Variants in LMBR1 observed in about 807,000 individuals in gnomAD.
LMBR1 encodes limb development membrane protein 1, also known as limb region 1 protein homolog.
LMBR1 carries 52 observed loss-of-function variants against 73.9 expected under a neutral mutation model. The observed-to-expected ratio is 0.70, with a 90% CI of 0.56 to 0.89. The LOEUF is 0.89. LMBR1 is among the 40% of genes least tolerant of loss of function. The pLI is 0.00. For missense variants in LMBR1, 539 were observed against 579.8 expected (o/e 0.93, Z 0.72); for synonymous variants, 215 against 209.4 (o/e 1.03, Z -0.23).
downstream of LMBR1, among the ~76,000 whole-genome samples, chr7:156,677,412 C>T (rs943568685): frequency 2.0e-5 from 3 of 152,154 alleles, no homozygotes; most frequent in Non-Finnish European, 4.4e-5. Flanking sequence ...CCATGTGTGA[C>T]CCTGGCTCCT....
intron 4 of LMBR1, among the ~76,000 whole-genome samples, chr7:156,826,262 G>A (rs1337354325): frequency 1.3e-5 from 2 of 152,322 alleles, no homozygotes; most frequent in Admixed American, 6.5e-5. Flanking sequence ...TTACAAGCAT[G>A]AGCCACCACG....
intron 5 of LMBR1, among the ~76,000 whole-genome samples, chr7:156,770,230 G>A (rs569217874): frequency 7.9e-5 from 12 of 151,828 alleles, no homozygotes; most frequent in Admixed American, 2.0e-4. Flanking sequence ...TGTTTCCCAG[G>A]CTGGTCTCTA....
intron 1 of LMBR1, among the ~76,000 whole-genome samples, chr7:156,846,997 G>A (rs1042931471): frequency 1.3e-5 from 2 of 151,980 alleles, no homozygotes; most frequent in Non-Finnish European, 2.9e-5. Flanking sequence ...TTAAAAAGAA[G>A]AAAGAGGACT....
chr7:156,729,687 A>G (rs1365683612), intron 10 of LMBR1, among the ~76,000 whole-genome samples: 1 of 151,962 alleles, frequency 6.6e-6, no homozygotes, highest in East Asian at 1.9e-4. Context: ...GTTAGCCAGG[A>G]TGGTCCCGAT....
intron 1 of LMBR1, among the ~76,000 whole-genome samples, chr7:156,846,939 A>G (rs1167254047): frequency 6.6e-6 from 1 of 152,196 alleles, no homozygotes; most frequent in African/African-American, 2.4e-5. Flanking sequence ...CTGAAACATC[A>G]CACTATACCC....
intron 5 of LMBR1, among the ~76,000 whole-genome samples, chr7:156,784,025 T>A (rs1272364587): frequency 3.3e-5 from 5 of 150,646 alleles, no homozygotes; most frequent in African/African-American, 1.2e-4. Context: ...AGCATCACAC[T>A]ATAATACTAG....
intron 15 of LMBR1, among the ~76,000 whole-genome samples, chr7:156,719,123 T>TCCCCCC (rs373665026): frequency 7.4e-6 from 1 of 135,564 alleles, no homozygotes; most frequent in Non-Finnish European, 1.6e-5. Flanking sequence ...CCTAATGCTA[T>TCCCCCC]CCCCCCCCTC....
In LMBR1 at chr7:156,680,468, G is replaced by A. The variant is rs1412491260; in HGVS notation, c.*3610C>T. 1.3e-5 allele frequency: 2 copies of A among 152,012 alleles called. No homozygotes were observed. Among genetic ancestry groups the A allele is most frequent in the East Asian group, 1.9e-4 (1 of 5,194 alleles). The allele number at this position is 152,012 out of a possible 1,614,324, so 9.4% of individuals were successfully genotyped here. On this transcript the variant is annotated 3_prime_UTR_variant, in exon 17 of 17. Transcript: ENST00000353442. ...TGTGGTCAAAAAGTTGAAAGCCACT[G>A]TAAGTAGGCTTCTGTCTGCCAGTAA...
At chr7:156,714,130 G>T (rs993556775) in intron 15 of LMBR1, among the ~76,000 whole-genome samples, 7 of 152,196 alleles carry the variant, frequency 4.6e-5, no homozygotes, top group African/African-American at 1.2e-4. Context: ...GTGAGAGTGT[G>T]TAAACCTCCC....
At chr7:156,675,731 C>G (rs779157237), downstream of LMBR1, 3 of 1,609,462 alleles carry the variant, frequency 1.9e-6, no homozygotes, top group Admixed American at 1.7e-5. Context: ...TGTGCTCATA[C>G]AACACCAACA....
chr7:156,772,386 G>A (rs1188500314), intron 5 of LMBR1, among the ~76,000 whole-genome samples: 1 of 152,154 alleles, frequency 6.6e-6, no homozygotes, highest in East Asian at 1.9e-4. Flanking sequence ...GAACATATGT[G>A]AAAATAATAA....
chr7:156,881,123 T>C (rs943585331), intron 1 of LMBR1, among the ~76,000 whole-genome samples: 1 of 152,154 alleles, frequency 6.6e-6, no homozygotes, highest in African/African-American at 2.4e-5. Context: ...CAAAATAGTA[T>C]AGTACTGACA....
Position 156,867,914 on chromosome 7 carries a change from G to A in LMBR1, c.66+25014C>T, listed in dbSNP as rs114665481. Among the ~76,000 whole-genome samples the A allele has an allele frequency of 4.2e-3, 637 of 152,204 alleles. 2 individuals carry two copies. Among genetic ancestry groups the A allele is most frequent in the African/African-American group, 0.015 (615 of 41,556 alleles). ...ACTACCGAATTGGATAAATTATATG[G>A]TATGTGAATTAAATCAATAAAACTG... On this transcript the variant is annotated intron_variant, in intron 1 of 16. Transcript: ENST00000353442.
At position 156,682,544 on chromosome 7, in the gene LMBR1, T is replaced by C. The variant is rs886062114; in HGVS notation, c.*1534A>G. 3.3e-5 allele frequency: 5 copies of C among 152,206 alleles called. No individual in the cohort carries two copies. The highest frequency in any genetic ancestry group is 1.3e-4 in the Admixed American group (2 of 15,276). 9.4% of individuals were successfully genotyped at this position (152,206 alleles called of 1,614,324 possible). A position where few individuals can be genotyped will look rare whatever the true frequency, so the allele number is the denominator to read the frequency against. On this transcript the variant is annotated 3_prime_UTR_variant, in exon 17 of 17. Transcript: ENST00000353442. ...AGCTTGTTTAGAATCACAAAATGAA[T>C]GTTCTTTTATTTTAAAACCAAGCTG...
intron 1 of LMBR1, among the ~76,000 whole-genome samples, chr7:156,840,164 T>C (rs1838397670): frequency 6.6e-6 from 1 of 152,200 alleles, no homozygotes; most frequent in Non-Finnish European, 1.5e-5. Flanking sequence ...GCTTGCTATA[T>C]ACCAGGCACT....
intron 15 of LMBR1, among the ~76,000 whole-genome samples, chr7:156,703,832 CA>C (rs1479470440): frequency 1.3e-5 from 2 of 152,172 alleles, no homozygotes; most frequent in African/African-American, 4.8e-5. Flanking sequence ...TTCCATTACC[CA>C]ATCTGCCACC....
At chr7:156,879,264 C>T (rs1355764202) in intron 1 of LMBR1, among the ~76,000 whole-genome samples, 2 of 152,224 alleles carry the variant, frequency 1.3e-5, no homozygotes, top group Non-Finnish European at 2.9e-5. Flanking sequence ...AGAAAACCCA[C>T]AGAGTGGGAG....
intron 9 of LMBR1, among the ~76,000 whole-genome samples, chr7:156,739,325 C>T (rs887297181): frequency 4.0e-5 from 6 of 151,760 alleles, no homozygotes; most frequent in Non-Finnish European, 8.8e-5. Flanking sequence ...TCAAACTCTG[C>T]CTCCCAGACA....
chr7:156,762,034 ATTC>A (rs899206652), intron 8 of LMBR1, 97 bp downstream of exon 8: 19 of 716,816 alleles, frequency 2.7e-5, no homozygotes, highest in Middle Eastern at 3.6e-4. Flanking sequence ...TACAAAACAT[ATTC>A]TTCTTCTATT....
Sources: allele counts gnomAD v4.1 joint callset (sites outside exome capture counted in the v4.1 genomes callset), GRCh38; gene constraint gnomAD v4.1.1; transcripts MANE v1.5; gene names NCBI Gene and HGNC (gene_info 2026-07-23, HGNC 2026-07-21).